The following VPS29 variants were observed in gnomAD, a reference collection of about 807,000 sequenced individuals.
VPS29 encodes the protein vacuolar protein sorting-associated protein 29.
VPS29 carries 2 observed loss-of-function variants against 20.0 expected under a neutral mutation model. The observed-to-expected ratio is 0.10, with a 90% confidence interval of 0.04 to 0.31. VPS29 has a LOEUF of 0.31. Among genes scored for constraint, VPS29 ranks in the 10% least tolerant of loss-of-function variants. The pLI, the probability that VPS29 is intolerant of heterozygous loss-of-function variation, is 1.00. For synonymous variants in VPS29, 81 were observed against 79.3 expected (o/e 1.02, Z -0.12); for missense variants, 120 against 215.3 (o/e 0.56, Z 2.77).
chr12:110,495,407 A>G (rs543525828), intron 2 of VPS29, among the ~76,000 whole-genome samples: 32 of 152,338 alleles, frequency 2.1e-4, no homozygotes, highest in Admixed American at 6.5e-5. Context: ...TGAAAAGTTC[A>G]TAATAAAAAC....
At chr12:110,498,450 G>A (rs1337233459) in intron 1 of VPS29, among the ~76,000 whole-genome samples, 1 of 152,032 alleles carries the variant, frequency 6.6e-6, no homozygotes, top group African/African-American at 2.4e-5. Context: ...AAACAAAATA[G>A]TTTTGCCACT....
rs551513699 is a variant in VPS29 at position 110,494,141 on chromosome 12, A to G, written c.196-910T>C. Among the ~76,000 whole-genome samples the G allele has an allele frequency of 3.3e-5, 5 of 152,218 alleles. No homozygotes were observed. In the South Asian group the frequency reaches 1.0e-3, roughly 32 times the overall value. ...TTTATCCAAACTCTTTTTAAAATAC[A>G]ATAAAAAGACAGTATGCCCCTTCAG... On this transcript the variant is annotated intron_variant, in intron 2 of 3. Transcript: ENST00000549578.
At chr12:110,492,867 GC>G (rs2062840114) in intron 3 of VPS29, 128 bp downstream of exon 3, 38 of 813,796 alleles carry the variant, frequency 4.7e-5, no homozygotes, top group Non-Finnish European at 7.0e-5. Context: ...CAAGCAACCT[GC>G]CCTGGTCTCC....
intron 2 of VPS29, 31 bp downstream of exon 2, chr12:110,495,981 A>G (rs2062900195): frequency 6.8e-7 from 1 of 1,469,896 alleles, no homozygotes; most frequent in Non-Finnish European, 9.2e-7. Context: ...AGAAAGGGAG[A>G]TATTTGAGAA....
At position 110,499,513 on chromosome 12, in the gene VPS29, G is replaced by A. The variant is rs369962360; in HGVS notation, c.3+2536C>T. The A allele has an allele frequency of 8.9e-5, 144 of 1,612,770 alleles. 1 individual carries two copies. The African/African-American group carries it at 1.5e-3, about 17-fold the overall frequency. On this transcript the variant is annotated intron_variant, in intron 1 of 3. Coordinates refer to ENST00000549578, the MANE Select transcript of VPS29 (RefSeq NM_016226.5). ...AGCCACCCAACCACCACTGTTAGTA[G>A]GAGCTAAGTGAAGAAACTTACTCTG...
intron 1 of VPS29, among the ~76,000 whole-genome samples, chr12:110,500,402 T>C (rs927486878): frequency 3.3e-5 from 5 of 152,218 alleles, no homozygotes; most frequent in Admixed American, 3.3e-4. Flanking sequence ...CATTAATATT[T>C]TGAAACCATG....
At position 110,491,920 on chromosome 12, in the gene VPS29, C is replaced by T. The variant is rs2062822415; in HGVS notation, c.*85G>A. ...ACTGCAAAATATTATAAAAGTGATA[C>T]AATTTTGTGGCTCTTAAATGTTTAA... On this transcript the variant is annotated 3_prime_UTR_variant, in exon 4 of 4. Transcript: ENST00000549578. 4 of 923,320 alleles carry T rather than the reference C, an allele frequency of 4.3e-6. 1 individual carries two copies. The highest frequency in any genetic ancestry group is 3.3e-5 in the African/African-American group (2 of 59,898). 57.2% of individuals were successfully genotyped at this position (923,320 alleles called of 1,614,324 possible).
At chr12:110,497,303 G>A (rs1423170561) in intron 1 of VPS29, among the ~76,000 whole-genome samples, 5 of 125,184 alleles carry the variant, frequency 4.0e-5, no homozygotes, top group East Asian at 2.8e-4. Context: ...TGCAACCTCC[G>A]CCTCCTGGGT....
At chr12:110,499,272 A>T (rs912596486) in intron 1 of VPS29, 1 of 390,322 alleles carries the variant, frequency 2.6e-6, no homozygotes, top group Non-Finnish European at 4.7e-6. Flanking sequence ...ATAGTGTTAC[A>T]TAACACGTGT....
intron 1 of VPS29, chr12:110,501,789 G>T (rs1250299592): frequency 9.2e-7 from 1 of 1,087,202 alleles, no homozygotes; most frequent in Non-Finnish European, 1.4e-6. Flanking sequence ...AGGTCGGGCT[G>T]CTAGAGGGGC....
chr12:110,500,991 C>T (rs906612633), intron 1 of VPS29, among the ~76,000 whole-genome samples: 9 of 152,008 alleles, frequency 5.9e-5, no homozygotes, highest in Admixed American at 2.0e-4. Context: ...ACCAGCCTGA[C>T]CAACATGGTG....
At chr12:110,501,862 C>T (rs1358051352) in intron 1 of VPS29, 187 bp downstream of exon 1, 1 of 1,417,192 alleles carries the variant, frequency 7.1e-7, no homozygotes, top group Non-Finnish European at 9.6e-7. Flanking sequence ...AGGCCAGCCG[C>T]ACCCAGAGGT....
intron 2 of VPS29, among the ~76,000 whole-genome samples, chr12:110,495,051 G>A (rs1272582235): frequency 6.6e-6 from 1 of 152,064 alleles, no homozygotes; most frequent in Non-Finnish European, 1.5e-5. Context: ...TTTAAAGTCA[G>A]GTTTATTGAG....
At chr12:110,496,270 T>C in intron 1 of VPS29, 67 bp from the exon 2 acceptor site, 1 of 1,395,202 alleles carries the variant, frequency 7.2e-7, no homozygotes, top group Non-Finnish European at 9.7e-7. Context: ...TAGTCTCCTC[T>C]TGTAAGCCCC....
chr12:110,494,067 T>C (rs2062860204), intron 2 of VPS29, among the ~76,000 whole-genome samples: 1 of 151,856 alleles, frequency 6.6e-6, no homozygotes, highest in African/African-American at 2.4e-5. Context: ...GGCAAAGAGG[T>C]TGTTTGTCCT....
chr12:110,501,860 C>T lies in VPS29; in HGVS notation c.3+189G>A, dbSNP rs1016753043. 23 of 1,407,600 alleles carry T rather than the reference C, an allele frequency of 1.6e-5. No individual in the cohort carries two copies. The African/African-American group carries it at 2.7e-4, about 17-fold the overall frequency. 87.2% of individuals were successfully genotyped at this position (1,407,600 alleles called of 1,614,324 possible). A position where few individuals can be genotyped will look rare whatever the true frequency, so the allele number is the denominator to read the frequency against. ...GCCGGGATACGAGACCTAGGCCAGC[C>T]GCACCCAGAGGTGGCCGCTCCCTTC... On this transcript the variant is annotated intron_variant, in intron 1 of 3. Transcript: ENST00000549578.
chr12:110,492,833 A>T, intron 3 of VPS29, 163 bp downstream of exon 3: 1 of 632,082 alleles, frequency 1.6e-6, no homozygotes, highest in Non-Finnish European at 2.7e-6. Context: ...CATATTGTCT[A>T]GGCTGGTCTC....
chr12:110,495,542 C>A (rs1208898712), intron 2 of VPS29, among the ~76,000 whole-genome samples: 4 of 151,792 alleles, frequency 2.6e-5, no homozygotes, highest in Non-Finnish European at 5.9e-5. Context: ...AAAACGCCAT[C>A]TCTACTAAAA....
At chr12:110,492,211 A>T in intron 3 of VPS29, 89 bp from the exon 4 acceptor site, 1 of 1,037,250 alleles carries the variant, frequency 9.6e-7, no homozygotes, top group Non-Finnish European at 1.5e-6. Flanking sequence ...TTGGATTCAG[A>T]GAAATCTGTT....
Sources: gnomAD v4.1 joint callset for allele counts (sites outside exome capture counted in the v4.1 genomes callset) on GRCh38, gnomAD v4.1.1 for gene constraint, MANE v1.5 for transcripts, NCBI Gene and HGNC (gene_info 2026-07-23, HGNC 2026-07-21) for gene names.